CADM1: variants seen among roughly 807,000 people sequenced by gnomAD.
The protein encoded by CADM1 is TSLC-1.
In CADM1, 15 loss-of-function variants were observed where a neutral mutation model predicts 53.1. The observed-to-expected ratio is 0.28, with a 90% CI of 0.19 to 0.44. The LOEUF is 0.44. Among genes scored for constraint, CADM1 ranks in the 20% least tolerant of loss-of-function variants. The probability of loss-of-function intolerance (pLI) is 1.00; values close to 1 mark genes in which losing one functional copy is unlikely to be tolerated. For synonymous variants in CADM1, 281 were observed against 243.0 expected (o/e 1.16, Z -1.45); for missense variants, 434 against 611.3 (o/e 0.71, Z 3.06).
intron 1 of CADM1, among the ~76,000 whole-genome samples, chr11:115,422,291 C>T (rs1440752127): frequency 6.6e-6 from 1 of 152,128 alleles, no homozygotes; most frequent in African/African-American, 2.4e-5. Context: ...AAACATAATA[C>T]TCAAGTTGCT....
intron 1 of CADM1, among the ~76,000 whole-genome samples, chr11:115,434,860 A>ATTTTTTTT (rs35368859): frequency 3.0e-5 from 4 of 132,826 alleles, no homozygotes; most frequent in Admixed American, 7.7e-5. Flanking sequence ...TATTATTATT[A>ATTTTTTTT]TTATTTTTTT....
rs538617925 is a variant in CADM1, at chr11:115,170,740, T to A, written c.*5734A>T. ...TGCATTCTGAAGGCCCCTCACAATA[T>A]ATGATAGCAATACTAAGGCTTTGCT... is the stretch of plus-strand genomic sequence containing the variant. On this transcript the variant is annotated 3_prime_UTR_variant, in exon 12 of 12. Coordinates refer to ENST00000331581, the MANE Select transcript of CADM1 (RefSeq NM_001301043.2). 3 of 152,330 alleles carry A rather than the reference T, an allele frequency of 2.0e-5. No homozygotes were observed. The East Asian group carries it at 5.8e-4, about 29-fold the overall frequency. The allele number at this position is 152,330 out of a possible 1,614,324, so 9.4% of individuals were successfully genotyped here. A position where few individuals can be genotyped will look rare whatever the true frequency, so the allele number is the denominator to read the frequency against.
intron 1 of CADM1, among the ~76,000 whole-genome samples, chr11:115,283,354 A>G (rs547756667): frequency 6.6e-6 from 1 of 152,290 alleles, no homozygotes; most frequent in Admixed American, 6.5e-5. Flanking sequence ...CCAGGGCCAG[A>G]AGACAATGAC....
chr11:115,283,905 T>C (rs1943651606), intron 1 of CADM1, among the ~76,000 whole-genome samples: 1 of 152,146 alleles, frequency 6.6e-6, no homozygotes, highest in African/African-American at 2.4e-5. Context: ...TTGTTCAGCG[T>C]GGTATCTCCA....
At chr11:115,501,649 G>T (rs1407891929) in intron 1 of CADM1, among the ~76,000 whole-genome samples, 1 of 152,180 alleles carries the variant, frequency 6.6e-6, no homozygotes, top group Non-Finnish European at 1.5e-5. Context: ...GATGGCTTCA[G>T]TTACAGGAGA....
chr11:115,362,163 T>A (rs1946045926), intron 1 of CADM1, among the ~76,000 whole-genome samples: 1 of 152,212 alleles, frequency 6.6e-6, no homozygotes, highest in African/African-American at 2.4e-5. Flanking sequence ...TAACAGTGGC[T>A]TGTAATAAAC....
chr11:115,367,350 G>T (rs1391819791), intron 1 of CADM1, among the ~76,000 whole-genome samples: 1 of 152,204 alleles, frequency 6.6e-6, no homozygotes, highest in East Asian at 1.9e-4. Context: ...TCTGAGAAAG[G>T]TATCCAATGC....
chr11:115,240,706 G>C, intron 1 of CADM1: 1 of 417,766 alleles, frequency 2.4e-6, no homozygotes, highest in Non-Finnish European at 4.5e-6. Context: ...ATATTGAGGA[G>C]GTATTGGAAA....
chr11:115,272,761 A>AG (rs1310705615), intron 1 of CADM1, among the ~76,000 whole-genome samples: 2 of 59,970 alleles, frequency 3.3e-5, no homozygotes, highest in African/African-American at 1.4e-4. Flanking sequence ...GGGTGGGGGG[A>AG]GGGGGGAGGG....
intron 9 of CADM1, among the ~76,000 whole-genome samples, chr11:115,194,339 G>A (rs1041470026): frequency 4.6e-5 from 7 of 152,172 alleles, no homozygotes; most frequent in Non-Finnish European, 8.8e-5. Context: ...CGTGCTTTTA[G>A]AATTTGACCA....
chr11:115,423,726 T>C (rs966118761), intron 1 of CADM1, among the ~76,000 whole-genome samples: 1 of 152,180 alleles, frequency 6.6e-6, no homozygotes, highest in East Asian at 1.9e-4. Flanking sequence ...GCAGAACACA[T>C]ACATGTTTTA....
At chr11:115,340,287 T>C (rs1245360489) in intron 1 of CADM1, 1 of 152,100 alleles carries the variant, frequency 6.6e-6, no homozygotes, top group Non-Finnish European at 1.5e-5. Flanking sequence ...TTTTTGCTTT[T>C]ATGGCATTTG....
chr11:115,476,725 C>T lies in CADM1; in HGVS notation c.124+27546G>A, dbSNP rs542429978. On this transcript the variant is annotated intron_variant, in intron 1 of 11. Transcript: ENST00000331581. ...GTGATAAAGACTTCCTAGTTAAAAA[C>T]TCTCCTGGAAGAACGATAACTTAGA... is the stretch of plus-strand genomic sequence containing the variant. Among the ~76,000 whole-genome samples the T allele has an allele frequency of 2.6e-5, 4 of 152,278 alleles. No individual in the cohort carries two copies. The East Asian group carries it at 7.7e-4, about 29-fold the overall frequency.
At chr11:115,478,840 T>G (rs1011866870) in intron 1 of CADM1, among the ~76,000 whole-genome samples, 4 of 152,114 alleles carry the variant, frequency 2.6e-5, no homozygotes, top group Non-Finnish European at 4.4e-5. Flanking sequence ...CTCTTGTCAG[T>G]AGATATAGAT....
At chr11:115,352,168 C>T (rs184363273) in intron 1 of CADM1, among the ~76,000 whole-genome samples, 123 of 152,280 alleles carry the variant, frequency 8.1e-4, no homozygotes, top group Non-Finnish European at 1.5e-3. Context: ...ATCTCTGAAA[C>T]TGTATAAATC....
chr11:115,420,035 T>C (rs1947713642), intron 1 of CADM1, among the ~76,000 whole-genome samples: 1 of 152,194 alleles, frequency 6.6e-6, no homozygotes, highest in Admixed American at 6.6e-5. Context: ...CAACCAGGTG[T>C]GTATACCTGG....
At chr11:115,408,349 A>G (rs1034844778) in intron 1 of CADM1, among the ~76,000 whole-genome samples, 7 of 152,204 alleles carry the variant, frequency 4.6e-5, no homozygotes, top group Non-Finnish European at 1.0e-4. Flanking sequence ...ATTTCTTTAT[A>G]CTACAGCTAG....
intron 1 of CADM1, among the ~76,000 whole-genome samples, chr11:115,326,155 G>A (rs946467980): frequency 1.6e-4 from 24 of 152,050 alleles, no homozygotes; most frequent in African/African-American, 3.6e-4. Flanking sequence ...ATGAACCAAC[G>A]GAGCTGTTCT....
intron 1 of CADM1, among the ~76,000 whole-genome samples, chr11:115,371,314 A>G (rs1201267244): frequency 2.6e-5 from 4 of 152,198 alleles, no homozygotes; most frequent in Admixed American, 2.6e-4. Context: ...AAATAGAAAC[A>G]TACAGTCATG....
Sources: gnomAD v4.1 joint callset for allele counts (sites outside exome capture counted in the v4.1 genomes callset) on GRCh38, gnomAD v4.1.1 for gene constraint, MANE v1.5 for transcripts, NCBI Gene and HGNC (gene_info 2026-07-23, HGNC 2026-07-21) for gene names.